The following EYS variants were observed in gnomAD, a reference collection of about 807,000 sequenced individuals.
EYS encodes protein eyes shut homolog.
A neutral mutation model predicts 282.1 loss-of-function variants in EYS; 250 were observed. The ratio of observed to expected loss-of-function variants is 0.89; its 90% CI spans 0.80 to 0.98. The LOEUF (loss-of-function observed/expected upper bound fraction) is 0.98. Among genes scored for constraint, EYS ranks in the 50% least tolerant of loss-of-function variants. EYS has a pLI of 0.00. For missense variants in EYS, 4,016 were observed against 3,709.0 expected, an observed-to-expected ratio of 1.08 and a Z score of -2.15; for synonymous variants, 1,355 against 1,282.9, an observed-to-expected ratio of 1.06 and a Z score of -1.20.
chr6:64,995,722 C>CCT (rs60329027), intron 14 of EYS, among the ~76,000 whole-genome samples: 1 of 149,266 alleles, frequency 6.7e-6, no homozygotes, highest in Non-Finnish European at 1.5e-5. Context: ...GCTTCCCCCC[C>CCT]GCCCCATATT....
chr6:65,699,165 G>T (rs891209006), intron 1 of EYS, among the ~76,000 whole-genome samples: 4 of 151,934 alleles, frequency 2.6e-5, no homozygotes, highest in African/African-American at 7.3e-5. Context: ...ACTTGCATAC[G>T]TATTCGTTTT....
rs535505910 is a variant in EYS at position 64,874,397 on chromosome 6, G to A, written c.2992+12300C>T. Among the ~76,000 whole-genome samples, 7 of 152,082 alleles carry A rather than the reference G, an allele frequency of 4.6e-5. No homozygotes were observed. The South Asian group carries it at 1.5e-3, about 32-fold the overall frequency. On this transcript the variant is annotated intron_variant, in intron 19 of 42. Coordinates refer to ENST00000503581, the MANE Select transcript of EYS (RefSeq NM_001142800.2). ...AAAAATCTGTTTTTCAAATTGTAAT[G>A]TCTCAGATACTGACAGTAAGGATTT... is the stretch of plus-strand genomic sequence containing the variant.
intron 33 of EYS, among the ~76,000 whole-genome samples, chr6:64,047,150 C>A (rs1770655354): frequency 6.6e-6 from 1 of 151,300 alleles, no homozygotes; most frequent in African/African-American, 2.4e-5. Context: ...TTTTCAATTC[C>A]CATCTCTAAT....
intron 2 of EYS, among the ~76,000 whole-genome samples, chr6:65,536,743 T>C (rs1767977000): frequency 6.6e-6 from 1 of 152,012 alleles, no homozygotes; most frequent in Non-Finnish European, 1.5e-5. Flanking sequence ...AATAAACCCT[T>C]ATAAAAGACA....
chr6:64,180,070 G>T (rs1405265482), intron 31 of EYS, among the ~76,000 whole-genome samples: 1 of 152,092 alleles, frequency 6.6e-6, no homozygotes, highest in Non-Finnish European at 1.5e-5. Flanking sequence ...AAATGGGTTT[G>T]GATAGATCTA....
chr6:65,259,931 G>T (rs1362216306), intron 12 of EYS, among the ~76,000 whole-genome samples: 1 of 152,122 alleles, frequency 6.6e-6, no homozygotes, highest in Non-Finnish European at 1.5e-5. Flanking sequence ...GTAAAGTGAA[G>T]TGGTTGGAGA....
chr6:63,935,383 T>C (rs943749309), intron 35 of EYS, among the ~76,000 whole-genome samples: 1 of 152,242 alleles, frequency 6.6e-6, no homozygotes, highest in Non-Finnish European at 1.5e-5. Flanking sequence ...AATTGTTTTT[T>C]CCCCAAAATT....
intron 31 of EYS, among the ~76,000 whole-genome samples, chr6:64,120,465 C>G (rs1347206287): frequency 6.7e-6 from 1 of 150,322 alleles, no homozygotes; most frequent in Non-Finnish European, 1.5e-5. Context: ...ATGGCCTATT[C>G]AAACTACTTT....
At chr6:63,969,231 C>T (rs1582051188) in intron 35 of EYS, among the ~76,000 whole-genome samples, 1 of 152,146 alleles carries the variant, frequency 6.6e-6, no homozygotes, top group Non-Finnish European at 1.5e-5. Context: ...GCATAGTAGG[C>T]TCTCTTTTGA....
chr6:65,562,756 T>A (rs1010247963), intron 2 of EYS, among the ~76,000 whole-genome samples: 3 of 152,144 alleles, frequency 2.0e-5, no homozygotes, highest in African/African-American at 7.2e-5. Flanking sequence ...TAATTTTATT[T>A]CTATAGTCTG....
Position 64,042,262 on chromosome 6 carries a change from A to G in EYS, c.6725+24076T>C, listed in dbSNP as rs147837561. ...ATAATAATTAATTCCATGATTATTAAAGTTTCTTCTGAATCTTTACAATTT... is the reference window on the plus strand; with the variant it reads ...ATAATAATTAATTCCATGATTATTAGAGTTTCTTCTGAATCTTTACAATTT... On this transcript the variant is annotated intron_variant, in intron 33 of 42. Transcript: ENST00000503581. Among the ~76,000 whole-genome samples, 946 of 152,316 alleles carry G rather than the reference A, an allele frequency of 6.2e-3. 12 individuals are homozygous for G. The highest frequency in any genetic ancestry group is 0.021 in the African/African-American group (890 of 41,564).
intron 31 of EYS, among the ~76,000 whole-genome samples, chr6:64,215,242 T>C (rs895561135): frequency 1.3e-5 from 2 of 152,084 alleles, no homozygotes; most frequent in Admixed American, 1.3e-4. Context: ...AAAAATATTT[T>C]ATCTAGCTGT....
intron 36 of EYS, among the ~76,000 whole-genome samples, chr6:63,845,831 C>A (rs898486938): frequency 6.6e-6 from 1 of 152,104 alleles, no homozygotes; most frequent in African/African-American, 2.4e-5. Context: ...CAGAAAGGCA[C>A]CTTAAGTCCT....
intron 36 of EYS, among the ~76,000 whole-genome samples, chr6:63,851,001 C>T (rs1772232927): frequency 6.6e-6 from 1 of 151,996 alleles, no homozygotes; most frequent in South Asian, 2.1e-4. Flanking sequence ...AAATGGAAAG[C>T]AAAAAGAAGC....
chr6:64,292,565 G>T (rs151184002), intron 30 of EYS, among the ~76,000 whole-genome samples: 5 of 152,046 alleles, frequency 3.3e-5, no homozygotes, highest in Admixed American at 1.3e-4. Context: ...TTTGAGGTAA[G>T]AGTAGTCAAG....
intron 18 of EYS, among the ~76,000 whole-genome samples, chr6:64,893,757 T>A (rs1267870263): frequency 6.6e-6 from 1 of 151,978 alleles, no homozygotes. Context: ...GTTGCTGAAA[T>A]ATTTTTAAGG....
At chr6:64,625,572 C>A (rs1435414823) in intron 23 of EYS, among the ~76,000 whole-genome samples, 1 of 152,180 alleles carries the variant, frequency 6.6e-6, no homozygotes, top group Admixed American at 6.5e-5. Context: ...TTCGCAAGGG[C>A]TTTACTCTCA....
chr6:64,215,306 T>C (rs1483842891), intron 31 of EYS, among the ~76,000 whole-genome samples: 6 of 151,568 alleles, frequency 4.0e-5, no homozygotes, highest in Non-Finnish European at 7.4e-5. Context: ...TCCTGGGGAA[T>C]TTTTAAAGTT....
At chr6:64,385,222 T>C in intron 29 of EYS, among the ~76,000 whole-genome samples, 1 of 152,096 alleles carries the variant, frequency 6.6e-6, no homozygotes, top group East Asian at 1.9e-4. Context: ...ATCATACGAG[T>C]TCTCTTTAAG....
Sources: allele counts gnomAD v4.1 joint callset (sites outside exome capture counted in the v4.1 genomes callset), GRCh38; gene constraint gnomAD v4.1.1; transcripts MANE v1.5; gene names NCBI Gene and HGNC (gene_info 2026-07-23, HGNC 2026-07-21).